PCDHGB1: variants seen among roughly 807,000 people sequenced by gnomAD.
PCDHGB1 encodes protocadherin gamma-B1.
A neutral mutation model predicts 56.6 loss-of-function variants in PCDHGB1; 34 were observed. The ratio of observed to expected loss-of-function variants is 0.60; its 90% CI spans 0.46 to 0.80. The LOEUF (loss-of-function observed/expected upper bound fraction) is 0.80, where lower values mean the gene tolerates loss of function less well. Ranked by LOEUF, PCDHGB1 falls within the 30% of genes least tolerant of loss-of-function variation. The pLI, the probability that PCDHGB1 is intolerant of heterozygous loss-of-function variation, is 0.00. For missense variants in PCDHGB1, 1,278 were observed against 1,204.6 expected, an observed-to-expected ratio of 1.06 and a Z score of -0.90; for synonymous variants, 561 against 505.9, an observed-to-expected ratio of 1.11 and a Z score of -1.46.
At position 141,486,602 on chromosome 5, in the gene PCDHGB1, C is replaced by T; in HGVS notation, c.2410-8205C>T. The stretch of plus-strand genomic sequence containing the variant: ...TCGCCCAGGGGACCTGCTTTGCTCC[C>T]TTGCAGCCTCTGACCCAGACTCTGG... On this transcript the variant is annotated intron_variant, in intron 1 of 3. Transcript: ENST00000523390. The surrounding 1 kb of genome is among the most constrained non-coding windows in gnomAD (Gnocchi z 5.0). 6.2e-7 allele frequency: 1 copy of T among 1,613,572 alleles called. No homozygotes were observed. Among genetic ancestry groups the T allele is most frequent in the Non-Finnish European group, 8.5e-7 (1 of 1,180,026 alleles).
chr5:141,410,849 C>CTTTTTTTTTGTTTTTTTT (rs2095433801), intron 1 of PCDHGB1: 1 of 129,786 alleles, frequency 7.7e-6, no homozygotes, highest in African/African-American at 6.0e-5. Context: ...TTGTCTTTGT[C>CTTTTTTTTTGTTTTTTTT]TTTTTTTTTT....
rs760575047 is a variant in PCDHGB1 at position 141,493,887 on chromosome 5, G to A, written c.2410-920G>A. Among the ~76,000 whole-genome samples the A allele has an allele frequency of 1.3e-5, 2 of 152,184 alleles. No individual in the cohort carries two copies. The highest frequency in any genetic ancestry group is 2.4e-5 in the African/African-American group (1 of 41,448). On this transcript the variant is annotated intron_variant, in intron 1 of 3. Coordinates refer to ENST00000523390, the MANE Select transcript of PCDHGB1 (RefSeq NM_018922.3). The surrounding 1 kb of genome is among the most constrained non-coding windows in gnomAD (Gnocchi z 4.3). Reference sequence around the variant, plus strand: ...AGAACCAGTGAGGAGGTGGCTCTAGGAGTGCTCCATGAGAGTGTGTGATGG... The same window carrying A: ...AGAACCAGTGAGGAGGTGGCTCTAGAAGTGCTCCATGAGAGTGTGTGATGG...
chr5:141,503,136 A>G (rs1352550702), intron 2 of PCDHGB1, among the ~76,000 whole-genome samples: 5 of 151,846 alleles, frequency 3.3e-5, no homozygotes, highest in Admixed American at 2.0e-4. Context: ...GTAGCCCCTG[A>G]CACAGCCCAT....
chr5:141,383,137 C>A (rs750687055), intron 1 of PCDHGB1: 1 of 1,614,112 alleles, frequency 6.2e-7, no homozygotes, highest in Non-Finnish European at 8.5e-7. Flanking sequence ...CCTGAACCAG[C>A]GCAGCGGCAG....
rs762530904 is a variant in PCDHGB1, at chr5:141,422,966, C to T, written c.2409+70297C>T. The T allele has an allele frequency of 2.5e-6, 4 of 1,614,112 alleles. No individual in the cohort carries two copies. The East Asian group carries it at 8.9e-5, about 36-fold the overall frequency. ...GGCTCCACTGGCGTGGAGCTGGCGC[C>T]CCGCTCTGCGGAACCTGGCTACCTG... On this transcript the variant is annotated intron_variant, in intron 1 of 3. Coordinates refer to ENST00000523390, the MANE Select transcript of PCDHGB1 (RefSeq NM_018922.3).
chr5:141,356,922 T>C, intron 1 of PCDHGB1: 1 of 1,613,632 alleles, frequency 6.2e-7, no homozygotes, highest in Admixed American at 1.7e-5. Context: ...GCTCCACTGG[T>C]GTGGAGCTGG....
intron 1 of PCDHGB1, chr5:141,387,734 T>C: frequency 7.7e-7 from 1 of 1,302,214 alleles, no homozygotes; most frequent in East Asian, 2.5e-5. Context: ...GCGCCAGCCT[T>C]TACACCGCTT....
chr5:141,427,391 A>G (rs942653386), intron 1 of PCDHGB1: 3 of 459,818 alleles, frequency 6.5e-6, no homozygotes, highest in Non-Finnish European at 1.3e-5. Context: ...TGTTCAAAAC[A>G]CATGATAAAG....
chr5:141,351,626 CA>C lies in PCDHGB1; in HGVS notation c.1367del (p.His456ProfsTer15). 6.2e-7 allele frequency: 1 copy of C among 1,614,070 alleles called. No individual in the cohort carries two copies. Among genetic ancestry groups the C allele is most frequent in the Non-Finnish European group, 8.5e-7 (1 of 1,179,906 alleles). On this transcript the variant is annotated frameshift_variant, in exon 1 of 4. Transcript: ENST00000523390. LOFTEE classifies it high-confidence loss of function. ...TTTCCATCAGGCCTCCTATGTGGTC[CA>C]CGTGTCTGAGAACAACCCACCTGGC... ...PVFHQASYVV[H>X]VSENNPPGAS...
chr5:141,476,565 C>T lies in PCDHGB1; in HGVS notation c.2410-18242C>T. 6.2e-7 allele frequency: 1 copy of T among 1,614,184 alleles called. No individual in the cohort carries two copies. Among genetic ancestry groups the T allele is most frequent in the Non-Finnish European group, 8.5e-7 (1 of 1,180,034 alleles). On this transcript the variant is annotated intron_variant, in intron 1 of 3. Coordinates refer to ENST00000523390, the MANE Select transcript of PCDHGB1 (RefSeq NM_018922.3). This position sits in a 1 kb window ranked among gnomAD's most constrained non-coding sequence, Gnocchi z 7.6. ...TTGGAGATTAGCGAGGCCGTGGCTC[C>T]GGGGACGCGCTTTCCGCTCGAGAGC...
In PCDHGB1 at chr5:141,351,671, A is replaced by G; in HGVS notation, c.1411A>G (p.Ser471Gly). ...NPPGASIAQV[S>G]ASDPDLGPNG... ...ACCTGGCGCCTCCATTGCACAAGTA[A>G]GCGCCTCCGACCCGGATTTGGGACC... The change falls in exon 1 of 4, where the codon AGC (serine) becomes GGC (glycine). Residue 471 changes from serine to glycine, a missense_variant. Physicochemically the swap from Ser to Gly is moderately conservative, Grantham distance 56 (BLOSUM62 0). Transcript: ENST00000523390. 1 of 1,613,966 alleles carries G rather than the reference A, an allele frequency of 6.2e-7. No individual in the cohort carries two copies. Among genetic ancestry groups the G allele is most frequent in the Non-Finnish European group, 8.5e-7 (1 of 1,179,902 alleles).
At chr5:141,482,530 C>CTAAAAA in intron 1 of PCDHGB1, among the ~76,000 whole-genome samples, 1 of 76,560 alleles carries the variant, frequency 1.3e-5, no homozygotes, top group African/African-American at 4.8e-5. Context: ...GACAGACATG[C>CTAAAAA]AAAAAAAAAA....
At chr5:141,459,710 C>T (rs2098973565) in intron 1 of PCDHGB1, among the ~76,000 whole-genome samples, 1 of 152,204 alleles carries the variant, frequency 6.6e-6, no homozygotes, top group Non-Finnish European at 1.5e-5. Flanking sequence ...CATTTTCTCA[C>T]CAATGCTTCC....
At chr5:141,484,451 T>G (rs2099596635) in intron 1 of PCDHGB1, among the ~76,000 whole-genome samples, 2 of 152,264 alleles carry the variant, frequency 1.3e-5, no homozygotes, top group South Asian at 4.1e-4. Flanking sequence ...TTTAATTGGC[T>G]ACGTTAATGT....
At chr5:141,383,515 C>G (rs749503295) in intron 1 of PCDHGB1, 1 of 1,612,350 alleles carries the variant, frequency 6.2e-7, no homozygotes, top group Non-Finnish European at 8.5e-7. Flanking sequence ...GGAGGAAGAG[C>G]GGGTTCACCA....
rs375516156 is a variant in PCDHGB1 at position 141,510,311 on chromosome 5, C to G, written c.2558-636C>G. Among the ~76,000 whole-genome samples, 70 of 151,056 alleles carry G rather than the reference C, an allele frequency of 4.6e-4. No homozygotes were observed. The South Asian group carries it at 0.014, about 31-fold the overall frequency. On this transcript the variant is annotated intron_variant, in intron 3 of 3. Transcript: ENST00000523390. The stretch of plus-strand genomic sequence containing the variant: ...AAAAAATGCTGTTTTGAAATGGAGG[C>G]TTGGAAGAGCACTCTTCACCCCCAC...
intron 1 of PCDHGB1, chr5:141,441,728 G>T: frequency 2.8e-6 from 1 of 361,966 alleles, no homozygotes. Flanking sequence ...CCCGCGACCA[G>T]GACTAGCTCG....
chr5:141,351,063 A>G lies in PCDHGB1; in HGVS notation c.803A>G (p.Glu268Gly), dbSNP rs762319245. ...CGGGTGATGGCCACAGACCAGGATG[A>G]GGGCATTAATGCAGAGATCACCTAT... ...VLRVMATDQD[E>G]GINAEITYAF... The change falls in exon 1 of 4, where the codon GAG (glutamate) becomes GGG (glycine). Residue 268 changes from glutamate (E) to glycine (G), a missense_variant. Transcript: ENST00000523390. 1.9e-6 allele frequency: 3 copies of G among 1,613,950 alleles called. No individual in the cohort carries two copies. Among genetic ancestry groups the G allele is most frequent in the Non-Finnish European group, 2.5e-6 (3 of 1,179,888 alleles).
intron 1 of PCDHGB1, among the ~76,000 whole-genome samples, chr5:141,369,397 TG>T (rs1766213103): frequency 6.6e-6 from 1 of 152,082 alleles, no homozygotes; most frequent in Non-Finnish European, 1.5e-5. Flanking sequence ...TGGGCCAGGG[TG>T]GTTCATGACT....
Sources: gnomAD v4.1 joint callset for allele counts (sites outside exome capture counted in the v4.1 genomes callset) on GRCh38, gnomAD v4.1.1 for gene constraint, Gnocchi (gnomAD v3.1) non-coding constraint, MANE v1.5 for transcripts, NCBI Gene and HGNC (gene_info 2026-07-23, HGNC 2026-07-21) for gene names.